Variants in RBPJ observed in about 807,000 individuals in gnomAD.
RBPJ encodes recombination signal binding protein for immunoglobulin kappa J region, also known as recombining binding protein suppressor of hairless.
RBPJ carries 9 observed loss-of-function variants against 67.8 expected under a neutral mutation model. The ratio of observed to expected loss-of-function variants is 0.13; its 90% CI spans 0.08 to 0.23. The LOEUF is 0.23. Among genes scored for constraint, RBPJ ranks in the 10% least tolerant of loss-of-function variants. The pLI is 1.00. For synonymous variants in RBPJ, 198 were observed against 203.3 expected, an observed-to-expected ratio of 0.97 and a Z score of 0.22; for missense variants, 305 against 595.6, an observed-to-expected ratio of 0.51 and a Z score of 5.08.
chr4:26,254,832 C>G (rs1231089451), intron 1 of RBPJ, among the ~76,000 whole-genome samples: 1 of 123,224 alleles, frequency 8.1e-6, no homozygotes, highest in African/African-American at 3.5e-5. Context: ...TGCATGCCAC[C>G]ATGCCCAGCT....
intron 1 of RBPJ, among the ~76,000 whole-genome samples, chr4:26,210,388 T>C (rs918673147): frequency 6.6e-6 from 1 of 152,180 alleles, no homozygotes; most frequent in South Asian, 2.1e-4. Context: ...ATGTAGAAAC[T>C]AGCTCCTTTA....
chr4:26,153,311 C>T, the RBPJ span, among the ~76,000 whole-genome samples: 9 of 152,194 alleles, frequency 5.9e-5, no homozygotes, highest in East Asian at 5.8e-4. Flanking sequence ...CATGACAAAC[C>T]GTTAATGCAG....
chr4:26,424,685 A>G lies in RBPJ; in HGVS notation c.689A>G (p.His230Arg). 6.2e-7 allele frequency: 1 copy of G among 1,614,042 alleles called. No individual in the cohort carries two copies. Among genetic ancestry groups the G allele is most frequent in the Non-Finnish European group, 8.5e-7 (1 of 1,179,904 alleles). Residue 230 changes from histidine (H) to arginine (R), a missense_variant, in exon 7 of 11, where the codon CAT (histidine) becomes CGT (arginine). Transcript: ENST00000355476. This position sits in a 1 kb window ranked among gnomAD's most constrained non-coding sequence, Gnocchi z 5.3. ...EEFTVRDGYI[H>R]YGQTVKLVCS... is the part of the protein sequence containing the mutation. Reference sequence around the variant, plus strand: ...TTCACAGTCCGAGATGGCTACATCCATTATGGACAAACAGTCAAACTTGTG... The same window carrying G: ...TTCACAGTCCGAGATGGCTACATCCGTTATGGACAAACAGTCAAACTTGTG...
chr4:26,151,964 T>C, the RBPJ span, among the ~76,000 whole-genome samples: 3 of 152,148 alleles, frequency 2.0e-5, no homozygotes, highest in African/African-American at 7.2e-5. Context: ...TAAGGCACAA[T>C]TGGGCTTTTG....
upstream of RBPJ, among the ~76,000 whole-genome samples, chr4:26,318,604 A>G (rs927318689): frequency 2.0e-5 from 3 of 152,238 alleles, no homozygotes; most frequent in African/African-American, 7.2e-5. Flanking sequence ...GGGAGCAAGA[A>G]TCTATACAAG....
chr4:26,431,115 A>G lies in RBPJ; in HGVS notation c.*108A>G, dbSNP rs1268098965. The G allele has an allele frequency of 6.8e-6, 6 of 877,832 alleles. No homozygotes were observed. The highest frequency in any genetic ancestry group is 5.5e-5 in the East Asian group (2 of 36,140). The allele number at this position is 877,832 out of a possible 1,614,324, so 54.4% of individuals were successfully genotyped here. ...GTGGTTTCTTGGGAAAACTTTTCAT[A>G]CCAGGTGATACTATTCAAAAACCCC... On this transcript the variant is annotated 3_prime_UTR_variant, in exon 11 of 11. Transcript: ENST00000355476.
At chr4:26,114,927 C>T in the RBPJ span, among the ~76,000 whole-genome samples, 3 of 151,898 alleles carry the variant, frequency 2.0e-5, no homozygotes, top group African/African-American at 7.3e-5. Flanking sequence ...TAATAAATAC[C>T]CAACACTCAT....
At chr4:26,183,343 C>A (rs184705208) in intron 1 of RBPJ, among the ~76,000 whole-genome samples, 1 of 152,278 alleles carries the variant, frequency 6.6e-6, no homozygotes, top group East Asian at 1.9e-4. Flanking sequence ...AACTGTGATG[C>A]GGCACATGAC....
chr4:26,410,105 G>T (rs1457552923), intron 3 of RBPJ: 3 of 451,878 alleles, frequency 6.6e-6, no homozygotes, highest in Non-Finnish European at 1.3e-5. Context: ...AACTGCCCTG[G>T]ATTCAGAGAA....
At chr4:26,166,427 G>C (rs544719025) in intron 1 of RBPJ, among the ~76,000 whole-genome samples, 1 of 143,198 alleles carries the variant, frequency 7.0e-6, no homozygotes, top group Non-Finnish European at 1.5e-5. Flanking sequence ...GTGTGAGATG[G>C]TATCTCATTG....
At chr4:26,210,659 C>CTT (rs1195670312) in intron 1 of RBPJ, among the ~76,000 whole-genome samples, 4 of 66,584 alleles carry the variant, frequency 6.0e-5, no homozygotes, top group South Asian at 5.9e-4. Flanking sequence ...AGCTTTCTTT[C>CTT]TTTTTTCTTT....
chr4:26,225,161 G>A (rs1250861816), intron 1 of RBPJ, among the ~76,000 whole-genome samples: 1 of 152,184 alleles, frequency 6.6e-6, no homozygotes, highest in Admixed American at 6.5e-5. Context: ...ACCAGAGTTG[G>A]AGGTAGCTGG....
intron 1 of RBPJ, among the ~76,000 whole-genome samples, chr4:26,217,384 G>A (rs1718755735): frequency 1.3e-5 from 2 of 152,116 alleles, no homozygotes; most frequent in Admixed American, 1.3e-4. Flanking sequence ...GCATTGAAGA[G>A]CAGCACCAGT....
the RBPJ span, among the ~76,000 whole-genome samples, chr4:26,155,781 A>G: frequency 6.6e-6 from 1 of 152,152 alleles, no homozygotes; most frequent in African/African-American, 2.4e-5. Flanking sequence ...TCCATAGTGG[A>G]AGGTTGAAGG....
At chr4:26,302,824 T>C (rs138212978) in intron 1 of RBPJ, among the ~76,000 whole-genome samples, 4 of 152,316 alleles carry the variant, frequency 2.6e-5, no homozygotes, top group African/African-American at 9.6e-5. Context: ...ATTCCAGCTA[T>C]TATTTTTATC....
intron 1 of RBPJ, among the ~76,000 whole-genome samples, chr4:26,183,047 A>G (rs994381095): frequency 3.9e-5 from 6 of 152,216 alleles, no homozygotes; most frequent in African/African-American, 1.2e-4. Context: ...ATACACTCTA[A>G]CCTAACAATA....
chr4:26,150,785 T>A, the RBPJ span, among the ~76,000 whole-genome samples: 1 of 151,970 alleles, frequency 6.6e-6, no homozygotes, highest in Admixed American at 6.6e-5. Flanking sequence ...GTGAGGGAAA[T>A]GTTTGTAGGA....
intron 1 of RBPJ, among the ~76,000 whole-genome samples, chr4:26,381,264 T>A (rs1278281725): frequency 6.6e-6 from 1 of 152,062 alleles, no homozygotes; most frequent in Non-Finnish European, 1.5e-5. Flanking sequence ...GCAAATTATG[T>A]GGTTTGGGAG....
At chr4:26,252,190 A>C (rs544202932) in intron 1 of RBPJ, among the ~76,000 whole-genome samples, 1 of 151,914 alleles carries the variant, frequency 6.6e-6, no homozygotes, top group African/African-American at 2.4e-5. Context: ...AATGATGTAC[A>C]TTTTGTACCC....
Sources: gnomAD v4.1 joint callset for allele counts (sites outside exome capture counted in the v4.1 genomes callset) on GRCh38, gnomAD v4.1.1 for gene constraint, Gnocchi (gnomAD v3.1) non-coding constraint, MANE v1.5 for transcripts, NCBI Gene and HGNC (gene_info 2026-07-23, HGNC 2026-07-21) for gene names.